Variants in RELCH observed in about 807,000 individuals in gnomAD.
RELCH encodes RAB11 binding and LisH domain, coiled-coil and HEAT repeat containing.
RELCH carries 41 observed loss-of-function variants against 150.3 expected under a neutral mutation model. The ratio of observed to expected loss-of-function variants is 0.27; its 90% CI spans 0.21 to 0.35. The LOEUF (loss-of-function observed/expected upper bound fraction) is 0.35. RELCH is among the 10% of genes least tolerant of loss of function. The pLI is 1.00. For synonymous variants in RELCH, 478 were observed against 531.8 expected, an observed-to-expected ratio of 0.90 and a Z score of 1.39; for missense variants, 1,092 against 1,467.8, an observed-to-expected ratio of 0.74 and a Z score of 4.18.
rs1449743564 is a variant in RELCH at position 62,296,393 on chromosome 18, C to G, written c.3460-2397C>G. Among the ~76,000 whole-genome samples, 3 of 152,224 alleles carry G rather than the reference C, an allele frequency of 2.0e-5. No individual in the cohort carries two copies. In the East Asian group the frequency reaches 5.8e-4, roughly 29 times the overall value. ...CCTGAGGTCAGGAGTTCGAGACCAGCCTGACCAACATGGAGAAACCCTGTC... is the reference window on the plus strand; with the variant it reads ...CCTGAGGTCAGGAGTTCGAGACCAGGCTGACCAACATGGAGAAACCCTGTC... On this transcript the variant is annotated intron_variant, in intron 27 of 28. Transcript: ENST00000644646.
chr18:62,236,421 A>T (rs1432144576), intron 10 of RELCH, among the ~76,000 whole-genome samples: 1 of 151,682 alleles, frequency 6.6e-6, no homozygotes, highest in Non-Finnish European at 1.5e-5. Context: ...TGGTTTTCTT[A>T]TCTTGTGTTT....
At chr18:62,276,135 A>AGGTTT (rs1468362816) in intron 22 of RELCH, among the ~76,000 whole-genome samples, 7 of 152,120 alleles carry the variant, frequency 4.6e-5, no homozygotes, top group African/African-American at 1.7e-4. Flanking sequence ...AGTGAGGTTG[A>AGGTTT]GGTTTAGAAC....
intron 27 of RELCH, among the ~76,000 whole-genome samples, chr18:62,298,458 A>G (rs985485781): frequency 6.6e-6 from 1 of 152,186 alleles, no homozygotes. Context: ...GTGTGTGACC[A>G]TAGTGTGTGT....
intron 2 of RELCH, among the ~76,000 whole-genome samples, chr18:62,218,935 TAAATACAAC>T (rs1320523087): frequency 6.6e-6 from 1 of 152,000 alleles, no homozygotes. Flanking sequence ...CATATATCTG[TAAATACAAC>T]ATTGCTATTA....
chr18:62,215,131 A>T (rs1020411595), intron 2 of RELCH, among the ~76,000 whole-genome samples: 1 of 152,036 alleles, frequency 6.6e-6, no homozygotes, highest in African/African-American at 2.4e-5. Context: ...CCATCTCCCA[A>T]TGATTTAATT....
chr18:62,245,167 C>T (rs778307482), intron 11 of RELCH, among the ~76,000 whole-genome samples: 36 of 152,180 alleles, frequency 2.4e-4, no homozygotes, highest in Non-Finnish European at 4.7e-4. Flanking sequence ...AGGGAAATCA[C>T]TCTAAGAAAT....
Position 62,228,454 on chromosome 18 carries a change from A to T in RELCH, c.1304A>T (p.Asp435Val). 1 of 1,613,420 alleles carries T rather than the reference A, an allele frequency of 6.2e-7. No homozygotes were observed. Among genetic ancestry groups the T allele is most frequent in the South Asian group, 1.1e-5 (1 of 91,072 alleles). ...AGTTCAGACAAGGGAAAAAACACAGACATCCATCTTTCAATATCAGATGAA... is the reference window on the plus strand; with the variant it reads ...AGTTCAGACAAGGGAAAAAACACAGTCATCCATCTTTCAATATCAGATGAA... ...VNSSDKGKNTDIHLSISDEAD... is the reference protein window; with the variant it reads ...VNSSDKGKNTVIHLSISDEAD... The change falls in exon 8 of 29, where the codon GAC becomes GTC. Residue 435 changes from aspartate (D) to valine (V), a missense_variant. Physicochemically the swap from Asp to Val is radical, Grantham distance 152. Transcript: ENST00000644646.
At chr18:62,249,141 T>C (rs181218853) in intron 11 of RELCH, among the ~76,000 whole-genome samples, 1 of 152,338 alleles carries the variant, frequency 6.6e-6, no homozygotes, top group East Asian at 1.9e-4. Context: ...CTTTATGTAA[T>C]TTCAGTACTT....
rs552043402 is a variant in RELCH at position 62,242,080 on chromosome 18, T to C, written c.1621-2684T>C. The stretch of plus-strand genomic sequence containing the variant: ...CTTACTGGACCTCTTCTCAGCTCTG[T>C]GTTGCTGTAAGAGGAAGAAGCCATC... On this transcript the variant is annotated intron_variant, in intron 10 of 28. Coordinates refer to ENST00000644646, the MANE Select transcript of RELCH (RefSeq NM_001346231.2). Among the ~76,000 whole-genome samples, 9 of 152,270 alleles carry C rather than the reference T, an allele frequency of 5.9e-5. No individual in the cohort carries two copies. The South Asian group carries it at 1.9e-3, about 32-fold the overall frequency.
chr18:62,228,162 A>T, intron 7 of RELCH, 143 bp from the exon 8 acceptor site: 2 of 654,940 alleles, frequency 3.1e-6, no homozygotes, highest in African/African-American at 1.8e-5. Flanking sequence ...AATATTGCAT[A>T]AAAAAGATTT....
chr18:62,301,406 A>C (rs2145154160), intron 28 of RELCH, among the ~76,000 whole-genome samples: 1 of 152,368 alleles, frequency 6.6e-6, no homozygotes, highest in East Asian at 1.9e-4. Flanking sequence ...TCTCTGTCAC[A>C]GCTACTGAGC....
chr18:62,261,905 A>T (rs2043291952), intron 16 of RELCH, among the ~76,000 whole-genome samples: 1 of 152,000 alleles, frequency 6.6e-6, no homozygotes, highest in Non-Finnish European at 1.5e-5. Flanking sequence ...CTTAATCTAT[A>T]GCCTTTTTAT....
intron 12 of RELCH, among the ~76,000 whole-genome samples, chr18:62,253,106 A>G (rs1886861273): frequency 6.6e-6 from 1 of 152,194 alleles, no homozygotes; most frequent in South Asian, 2.1e-4. Context: ...AAAATAAAGC[A>G]GGATAAGGGT....
intron 21 of RELCH, 39 bp downstream of exon 21, chr18:62,274,125 A>G (rs1419499905): frequency 6.8e-6 from 9 of 1,318,748 alleles, no homozygotes; most frequent in Non-Finnish European, 9.8e-6. Context: ...AAAGGCATAT[A>G]AAGTTTTTAG....
intron 12 of RELCH, among the ~76,000 whole-genome samples, chr18:62,253,380 A>G (rs954862348): frequency 1.3e-4 from 20 of 151,098 alleles, no homozygotes; most frequent in African/African-American, 4.9e-4. Flanking sequence ...TTGATGTGGG[A>G]GGTTTTTGTA....
At chr18:62,218,776 G>A (rs571024788) in intron 2 of RELCH, among the ~76,000 whole-genome samples, 9 of 152,006 alleles carry the variant, frequency 5.9e-5, no homozygotes, top group African/African-American at 2.2e-4. Flanking sequence ...CATTCCTGCA[G>A]CATTTTTAAT....
chr18:62,218,321 ACTT>A (rs1307375967), intron 2 of RELCH, among the ~76,000 whole-genome samples: 3 of 151,966 alleles, frequency 2.0e-5, no homozygotes, highest in African/African-American at 7.2e-5. Context: ...ATGAAAAAAT[ACTT>A]CTTCAGACCA....
intron 1 of RELCH, among the ~76,000 whole-genome samples, chr18:62,202,011 G>C (rs917557214): frequency 6.6e-6 from 1 of 152,134 alleles, no homozygotes; most frequent in Non-Finnish European, 1.5e-5. Context: ...CAATCTGCAC[G>C]ACTGTGTATA....
intron 10 of RELCH, 139 bp downstream of exon 10, chr18:62,232,566 T>C: frequency 1.7e-6 from 1 of 604,328 alleles, no homozygotes; most frequent in Non-Finnish European, 3.0e-6. Flanking sequence ...TGCATGCATC[T>C]CTGCTCCTAG....
Sources: allele counts gnomAD v4.1 joint callset (sites outside exome capture counted in the v4.1 genomes callset), GRCh38; gene constraint gnomAD v4.1.1; transcripts MANE v1.5; gene names NCBI Gene and HGNC (gene_info 2026-07-23, HGNC 2026-07-21).